CDH11: variants seen among roughly 807,000 people sequenced by gnomAD.
CDH11 encodes cadherin-11.
In CDH11, 11 loss-of-function variants were observed where a neutral mutation model predicts 67.8. The observed-to-expected ratio is 0.16, with a 90% CI of 0.10 to 0.27. The LOEUF (loss-of-function observed/expected upper bound fraction) is 0.27, where lower values mean the gene tolerates loss of function less well. CDH11 is among the 10% of genes least tolerant of loss of function. The probability of loss-of-function intolerance (pLI) is 1.00; values close to 1 mark genes in which losing one functional copy is unlikely to be tolerated. For missense variants in CDH11, 847 were observed against 1,031.2 expected (o/e 0.82, Z 2.45); for synonymous variants, 419 against 400.0 (o/e 1.05, Z -0.57).
intron 1 of CDH11, among the ~76,000 whole-genome samples, chr16:65,115,015 G>A (rs1038036504): frequency 1.3e-4 from 20 of 152,274 alleles, no homozygotes; most frequent in African/African-American, 4.6e-4. Flanking sequence ...AAATGGAGAC[G>A]ATTTATCAAG....
chr16:64,972,868 G>A (rs144057927), intron 9 of CDH11, 36 bp downstream of exon 9: 1 of 1,607,482 alleles, frequency 6.2e-7, no homozygotes, highest in East Asian at 2.2e-5. Context: ...ATAATACTTG[G>A]TAAAGTAGAA....
intron 2 of CDH11, among the ~76,000 whole-genome samples, chr16:65,038,746 T>C (rs970985396): frequency 2.0e-5 from 3 of 152,116 alleles, no homozygotes; most frequent in African/African-American, 7.2e-5. Flanking sequence ...CCTTGGACAC[T>C]TGGGAAACAA....
intron 12 of CDH11, among the ~76,000 whole-genome samples, chr16:64,950,015 T>C (rs2071314709): frequency 6.6e-6 from 1 of 152,124 alleles, no homozygotes; most frequent in South Asian, 2.1e-4. Flanking sequence ...AAAGTGTAGG[T>C]TTGGTGTCAG....
chr16:65,051,931 C>CTTATGG (rs2074063226), intron 2 of CDH11, among the ~76,000 whole-genome samples: 1 of 152,274 alleles, frequency 6.6e-6, no homozygotes, highest in East Asian at 1.9e-4. Flanking sequence ...AGTGTGAAAA[C>CTTATGG]AGACTAATAC....
Position 64,992,907 on chromosome 16 carries a change from C to T in CDH11, c.643+8G>A. 6.2e-7 allele frequency: 1 copy of T among 1,612,726 alleles called. No individual in the cohort carries two copies. Among genetic ancestry groups the T allele is most frequent in the Non-Finnish European group, 8.5e-7 (1 of 1,179,154 alleles). On this transcript the variant is annotated splice_region_variant and intron_variant, in intron 5 of 12. Coordinates refer to ENST00000268603, the MANE Select transcript of CDH11 (RefSeq NM_001797.4). ...TGTGTCACAAATCACAGTGACATTC[C>T]ACAGTACCTGTCTGTGCTTCCACCG...
At chr16:64,989,003 T>C (rs975742843) in intron 6 of CDH11, among the ~76,000 whole-genome samples, 1 of 152,132 alleles carries the variant, frequency 6.6e-6, no homozygotes, top group African/African-American at 2.4e-5. Flanking sequence ...GGAGGTACTG[T>C]CCTAGTGCCA....
chr16:65,015,291 G>A (rs1190434801), intron 2 of CDH11, among the ~76,000 whole-genome samples: 1 of 151,890 alleles, frequency 6.6e-6, no homozygotes, highest in Non-Finnish European at 1.5e-5. Flanking sequence ...TTCTTTTCAA[G>A]TTTGGAGATT....
At chr16:65,037,882 A>G (rs1236390006) in intron 2 of CDH11, among the ~76,000 whole-genome samples, 1 of 152,162 alleles carries the variant, frequency 6.6e-6, no homozygotes, top group African/African-American at 2.4e-5. Context: ...AAAGATGAGA[A>G]GCCAGGCATC....
chr16:65,056,638 C>T (rs9940273), intron 1 of CDH11, among the ~76,000 whole-genome samples: 6,530 of 152,256 alleles, frequency 0.043, 491 homozygotes, highest in African/African-American at 0.15. Flanking sequence ...CCCTACAACA[C>T]AAAAAGGTAA....
chr16:64,945,596 A>T lies in CDH11; in HGVS notation c.*2007T>A. 1.9e-6 allele frequency: 2 copies of T among 1,032,676 alleles called. No homozygotes were observed. Among genetic ancestry groups the T allele is most frequent in the Middle Eastern group, 4.5e-4 (1 of 2,202 alleles). 64.0% of individuals were successfully genotyped at this position (1,032,676 alleles called of 1,614,324 possible). ...ATTACAAAAACTATATAAAAAAATG[A>T]ACACAACCTGCAATTATGGAAGTAT... On this transcript the variant is annotated 3_prime_UTR_variant, in exon 13 of 13. Coordinates refer to ENST00000268603, the MANE Select transcript of CDH11 (RefSeq NM_001797.4).
chr16:65,061,857 T>G (rs2074239990), intron 1 of CDH11, among the ~76,000 whole-genome samples: 13 of 152,312 alleles, frequency 8.5e-5, no homozygotes, highest in Admixed American at 8.5e-4. Flanking sequence ...CTAAGTACCT[T>G]TCTACAACAC....
chr16:64,947,812 C>T lies in CDH11; in HGVS notation c.2182G>A (p.Ala728Thr). Reference protein sequence around the residue: ...DDFINTRIQEADNDPTAPPYD... With the variant: ...DDFINTRIQETDNDPTAPPYD... ...GGAGGAGCCGTGGGGTCATTGTCTG[C>T]CTCCTGTATTCTCGTGTTGATGAAG... The change falls in exon 13 of 13, where the codon GCA becomes ACA. Residue 728 changes from alanine to threonine, a missense_variant. Physicochemically the swap from Ala to Thr is moderately conservative, Grantham distance 58 (BLOSUM62 0). Around this residue, in one of 2 missense-constraint regions of CDH11, gnomAD observed 612 missense variants for 678.7 expected, o/e 0.90. Coordinates refer to ENST00000268603, the MANE Select transcript of CDH11 (RefSeq NM_001797.4). 2 of 1,614,134 alleles carry T rather than the reference C, an allele frequency of 1.2e-6. No homozygotes were observed.
rs1357155799 is a variant in CDH11, at chr16:64,949,381, A to G, written c.1895-1282T>C. Among the ~76,000 whole-genome samples the G allele has an allele frequency of 2.8e-5, 4 of 143,632 alleles. No individual in the cohort carries two copies. The East Asian group carries it at 6.1e-4, about 22-fold the overall frequency. 94.2% of individuals were successfully genotyped at this position (143,632 alleles called of 152,430 possible). ...CCTGTATGTCACATCCTCCAGGAAG[A>G]TTTCTTTGACCTTCCCAGGCAATGT... On this transcript the variant is annotated intron_variant, in intron 12 of 12. Coordinates refer to ENST00000268603, the MANE Select transcript of CDH11 (RefSeq NM_001797.4).
chr16:65,121,850 C>T lies in CDH11; in HGVS notation c.-298+30G>A. On this transcript the variant is annotated intron_variant, in intron 1 of 12. Transcript: ENST00000268603. The surrounding 1 kb of genome is among the most constrained non-coding windows in gnomAD (Gnocchi z 4.1). ...CCCATTCCAAGAAGCCCCAACCAGG[C>T]GAGAGGAAGGGACTGGCGGCGCACC... 1 of 701,932 alleles carries T rather than the reference C, an allele frequency of 1.4e-6. No homozygotes were observed. The allele number at this position is 701,932 out of a possible 1,614,324, so 43.5% of individuals were successfully genotyped here.
At chr16:65,044,087 G>A (rs1483255692) in intron 2 of CDH11, among the ~76,000 whole-genome samples, 3 of 152,192 alleles carry the variant, frequency 2.0e-5, no homozygotes, top group East Asian at 3.9e-4. Context: ...AGCAGCATTA[G>A]CCTAAGAGGG....
chr16:64,989,671 T>C (rs984500700), intron 6 of CDH11, among the ~76,000 whole-genome samples: 2 of 152,116 alleles, frequency 1.3e-5, no homozygotes, highest in African/African-American at 2.4e-5. Flanking sequence ...TTGTGGGGAA[T>C]GGAAAAGACT....
In CDH11 at chr16:64,945,483, T is replaced by A. The variant is rs1287654360; in HGVS notation, c.*2120A>T. 9.7e-7 allele frequency: 1 copy of A among 1,034,758 alleles called. No individual in the cohort carries two copies. The highest frequency in any genetic ancestry group is 5.6e-5 in the Admixed American group (1 of 17,714). 64.1% of individuals were successfully genotyped at this position (1,034,758 alleles called of 1,614,324 possible). A position where few individuals can be genotyped will look rare whatever the true frequency, so the allele number is the denominator to read the frequency against. On this transcript the variant is annotated 3_prime_UTR_variant, in exon 13 of 13. Coordinates refer to ENST00000268603, the MANE Select transcript of CDH11 (RefSeq NM_001797.4). ...AGGGTTACTTACAGCTGTATACTTATTTAAATGCTATTCATATTCCTTTTG... is the reference window on the plus strand; with the variant it reads ...AGGGTTACTTACAGCTGTATACTTAATTAAATGCTATTCATATTCCTTTTG...
At chr16:65,042,563 C>G (rs1222911623) in intron 2 of CDH11, among the ~76,000 whole-genome samples, 2 of 152,154 alleles carry the variant, frequency 1.3e-5, no homozygotes, top group African/African-American at 2.4e-5. Flanking sequence ...TAGGGAATGA[C>G]TGTCTCAAGG....
intron 1 of CDH11, among the ~76,000 whole-genome samples, chr16:65,099,208 T>A (rs962003465): frequency 6.6e-6 from 1 of 151,888 alleles, no homozygotes; most frequent in African/African-American, 2.4e-5. Context: ...GGTGCCATGA[T>A]CTCCCAAGGA....
Sources: gnomAD v4.1 joint callset for allele counts (sites outside exome capture counted in the v4.1 genomes callset) on GRCh38, gnomAD v4.1.1 for gene constraint, gnomAD v4.1.1 regional missense constraint, Gnocchi (gnomAD v3.1) non-coding constraint, MANE v1.5 for transcripts, NCBI Gene and HGNC (gene_info 2026-07-23, HGNC 2026-07-21) for gene names.